ASAP1: variants seen among roughly 807,000 people sequenced by gnomAD.
ASAP1 encodes the protein ArfGAP with SH3 domain, ankyrin repeat and PH domain 1.
A neutral mutation model predicts 145.2 loss-of-function variants in ASAP1; 43 were observed. The ratio of observed to expected loss-of-function variants is 0.30; its 90% confidence interval spans 0.23 to 0.38. The LOEUF is 0.38. Among genes scored for constraint, ASAP1 ranks in the 10% least tolerant of loss-of-function variants. ASAP1 has a pLI of 1.00. For missense variants in ASAP1, 1,018 were observed against 1,355.3 expected, an observed-to-expected ratio of 0.75 and a Z score of 3.91; for synonymous variants, 546 against 515.5, an observed-to-expected ratio of 1.06 and a Z score of -0.80.
At chr8:130,386,505 G>A (rs1828023032) in intron 2 of ASAP1, among the ~76,000 whole-genome samples, 3 of 152,212 alleles carry the variant, frequency 2.0e-5, no homozygotes, top group South Asian at 4.1e-4. Context: ...CAGGGCTGTC[G>A]ACACAGGGCT....
intron 1 of ASAP1, among the ~76,000 whole-genome samples, chr8:130,413,672 T>C (rs1287558083): frequency 6.6e-6 from 1 of 152,150 alleles, no homozygotes. Flanking sequence ...CATCAAAGCA[T>C]ATCTGTGCCT....
At chr8:130,182,831 CAAAAAAA>C (rs35195899) in intron 7 of ASAP1, among the ~76,000 whole-genome samples, 1 of 73,596 alleles carries the variant, frequency 1.4e-5, no homozygotes, top group Admixed American at 1.4e-4. Flanking sequence ...TATAAAAAGG[CAAAAAAA>C]AAAAAAAAAA....
intron 27 of ASAP1, among the ~76,000 whole-genome samples, chr8:130,069,201 T>G (rs1465317857): frequency 6.6e-6 from 1 of 152,090 alleles, no homozygotes; most frequent in Non-Finnish European, 1.5e-5. Context: ...TATTAAGAAA[T>G]GGAATGAATA....
intron 24 of ASAP1, among the ~76,000 whole-genome samples, chr8:130,097,638 T>G (rs2135465815): frequency 6.6e-6 from 1 of 152,262 alleles, no homozygotes; most frequent in East Asian, 1.9e-4. Context: ...ACCCAGGCAG[T>G]GTATTGCAGA....
At chr8:130,282,159 T>A (rs1004280877) in intron 3 of ASAP1, among the ~76,000 whole-genome samples, 23 of 152,162 alleles carry the variant, frequency 1.5e-4, no homozygotes, top group Admixed American at 2.6e-4. Flanking sequence ...CAGTATCTTT[T>A]AATTAGAATC....
intron 27 of ASAP1, among the ~76,000 whole-genome samples, chr8:130,071,509 C>T (rs2097446572): frequency 2.0e-5 from 3 of 152,186 alleles, no homozygotes; most frequent in Non-Finnish European, 4.4e-5. Flanking sequence ...ACTTGTATTG[C>T]TGCTTGTAAT....
At chr8:130,443,187 C>G (rs1408268388) in intron 1 of ASAP1, among the ~76,000 whole-genome samples, 2 of 151,924 alleles carry the variant, frequency 1.3e-5, no homozygotes, top group Non-Finnish European at 1.5e-5. Flanking sequence ...GCAGGGGCCC[C>G]CTCTCCCGAG....
At chr8:130,375,154 G>T (rs140948751) in intron 2 of ASAP1, among the ~76,000 whole-genome samples, 1 of 152,142 alleles carries the variant, frequency 6.6e-6, no homozygotes, top group East Asian at 1.9e-4. Context: ...ATCAGCAGGC[G>T]CAAAGAACCT....
At position 130,358,025 on chromosome 8, in the gene ASAP1, G is replaced by A. The variant is rs1406534293; in HGVS notation, c.178C>T (p.Leu60=). ...GTCCCGGCCCGACCTACCTCCTCCA[G>A]CAGCGTGACGGTGTTCCTGCAGTTG... ...LHNCRNTVTL[L]EEALDQDRTA... The change falls in exon 3 of 30, where the codon CTG becomes TTG. Residue 60 remains leucine, a synonymous_variant. Transcript: ENST00000518721. The surrounding 1 kb of genome is among the most constrained non-coding windows in gnomAD (Gnocchi z 4.1). The A allele has an allele frequency of 6.2e-7, 1 of 1,607,658 alleles. No individual in the cohort carries two copies. Among genetic ancestry groups the A allele is most frequent in the Admixed American group, 1.7e-5 (1 of 59,732 alleles).
intron 1 of ASAP1, among the ~76,000 whole-genome samples, chr8:130,436,384 TC>T (rs1383800970): frequency 3.3e-5 from 5 of 152,226 alleles, no homozygotes; most frequent in African/African-American, 1.2e-4. Flanking sequence ...AGCCTCGACC[TC>T]CCTGGGCTCA....
At chr8:130,351,908 T>C (rs1003356922) in intron 3 of ASAP1, among the ~76,000 whole-genome samples, 8 of 152,234 alleles carry the variant, frequency 5.3e-5, no homozygotes, top group African/African-American at 1.9e-4. Context: ...GCTTGTGCCT[T>C]GTTTTAGAAA....
chr8:130,120,875 G>T (rs2097564710), intron 18 of ASAP1, among the ~76,000 whole-genome samples: 1 of 152,204 alleles, frequency 6.6e-6, no homozygotes, highest in African/African-American at 2.4e-5. Context: ...GAGTAATAGG[G>T]AGAGTGGAAA....
At chr8:130,388,016 G>A (rs1828103514) in intron 2 of ASAP1, among the ~76,000 whole-genome samples, 1 of 152,214 alleles carries the variant, frequency 6.6e-6, no homozygotes, top group East Asian at 1.9e-4. Flanking sequence ...AGCAACCAAA[G>A]AGAATAAAGG....
At chr8:130,264,299 C>A (rs1820113578) in intron 3 of ASAP1, among the ~76,000 whole-genome samples, 1 of 152,196 alleles carries the variant, frequency 6.6e-6, no homozygotes, top group African/African-American at 2.4e-5. Context: ...CCATGGTTGA[C>A]CTGTCAGAAA....
chr8:130,434,762 T>G (rs1307294199), intron 1 of ASAP1, among the ~76,000 whole-genome samples: 1 of 151,994 alleles, frequency 6.6e-6, no homozygotes, highest in Admixed American at 6.6e-5. Context: ...CCAGAACGGC[T>G]CTCTGTGACG....
intron 26 of ASAP1, among the ~76,000 whole-genome samples, chr8:130,078,775 A>C (rs2097470916): frequency 7.3e-6 from 1 of 136,432 alleles, no homozygotes; most frequent in Non-Finnish European, 1.7e-5. Flanking sequence ...TAGGCTGGAG[A>C]GCTGGCTCTG....
At chr8:130,077,816 TC>T (rs1278793063) in intron 26 of ASAP1, among the ~76,000 whole-genome samples, 3 of 152,116 alleles carry the variant, frequency 2.0e-5, no homozygotes, top group Non-Finnish European at 2.9e-5. Context: ...CTTGAAATCC[TC>T]CTGTCTCTGG....
intron 9 of ASAP1, among the ~76,000 whole-genome samples, chr8:130,177,627 G>A (rs1318875199): frequency 3.9e-5 from 6 of 151,926 alleles, no homozygotes; most frequent in Non-Finnish European, 8.8e-5. Context: ...TCTTAAGAAG[G>A]TGAAAACTTT....
In ASAP1 at chr8:130,169,055, A is replaced by G. The variant is rs936626851; in HGVS notation, c.759T>C (p.Asp253=). 7 of 1,566,650 alleles carry G rather than the reference A, an allele frequency of 4.5e-6. No homozygotes were observed. The highest frequency in any genetic ancestry group is 5.2e-6 in the Non-Finnish European group (6 of 1,160,352). The change falls in exon 10 of 30, where the codon GAT becomes GAC. Residue 253 remains aspartate (D), a synonymous_variant. Transcript: ENST00000518721. ...YYHAQCNFFQ[D]GLKTADKLKQ... ...TCAACTTATCAGCTGTTTTCAAGCC[A>G]TCTTGAAAGAAACTACAATTAAAAA... is the stretch of plus-strand genomic sequence containing the variant.
Sources: gnomAD v4.1 joint callset for allele counts (sites outside exome capture counted in the v4.1 genomes callset) on GRCh38, gnomAD v4.1.1 for gene constraint, Gnocchi (gnomAD v3.1) non-coding constraint, MANE v1.5 for transcripts, NCBI Gene and HGNC (gene_info 2026-07-23, HGNC 2026-07-21) for gene names.